Variants in ACER3 observed in about 807,000 individuals in gnomAD.
ACER3 encodes alkaline ceramidase 3, also known as alkCDase 3.
A neutral mutation model predicts 48.9 loss-of-function variants in ACER3; 16 were observed. The ratio of observed to expected loss-of-function variants is 0.33; its 90% CI spans 0.22 to 0.50. ACER3 has a LOEUF of 0.50. Among genes scored for constraint, ACER3 ranks in the 20% least tolerant of loss-of-function variants. ACER3 has a pLI of 0.98. For synonymous variants in ACER3, 109 were observed against 107.8 expected (o/e 1.01, Z -0.07); for missense variants, 227 against 326.0 (o/e 0.70, Z 2.34).
chr11:76,895,113 C>T (rs1299479594), intron 1 of ACER3, among the ~76,000 whole-genome samples: 1 of 152,028 alleles, frequency 6.6e-6, no homozygotes, highest in Non-Finnish European at 1.5e-5. Flanking sequence ...TAATTGATCT[C>T]AAGATAATTT....
intron 2 of ACER3, among the ~76,000 whole-genome samples, chr11:76,940,783 C>T (rs758554675): frequency 3.3e-5 from 5 of 152,048 alleles, no homozygotes; most frequent in African/African-American, 7.2e-5. Context: ...TTCTATAAGA[C>T]GAAGCTTCCT....
intron 7 of ACER3, among the ~76,000 whole-genome samples, chr11:77,009,936 T>G (rs1555021774): frequency 1.3e-5 from 2 of 152,118 alleles, no homozygotes; most frequent in Non-Finnish European, 2.9e-5. Context: ...TGTTTCAGAC[T>G]GGCAATTGGA....
chr11:77,008,490 T>C (rs2135300381), intron 7 of ACER3, among the ~76,000 whole-genome samples: 1 of 152,358 alleles, frequency 6.6e-6, no homozygotes, highest in East Asian at 1.9e-4. Flanking sequence ...TATGTCCATT[T>C]GTTGATCATT....
At chr11:76,882,230 C>T (rs1183906371) in intron 1 of ACER3, among the ~76,000 whole-genome samples, 1 of 134,420 alleles carries the variant, frequency 7.4e-6, no homozygotes, top group Non-Finnish European at 1.6e-5. Flanking sequence ...TGGTCTCGAT[C>T]TCCTGACCTC....
rs1446259913 is a variant in ACER3, at chr11:76,933,008, A to G, written c.214+6341A>G. 2.6e-5 allele frequency among the ~76,000 whole-genome samples: 4 copies of G among 152,082 alleles called. No individual in the cohort carries two copies. In the South Asian group the frequency reaches 8.3e-4, roughly 32 times the overall value. ...AAGGTGGCAGTTTTGGAAAGGCATC[A>G]CTTCTGGGAAAGAGATAAGTAGAAA... is the stretch of plus-strand genomic sequence containing the variant. On this transcript the variant is annotated intron_variant, in intron 2 of 10. Coordinates refer to ENST00000532485, the MANE Select transcript of ACER3 (RefSeq NM_018367.7).
intron 3 of ACER3, among the ~76,000 whole-genome samples, chr11:76,969,164 A>C (rs1000256079): frequency 2.0e-5 from 3 of 152,236 alleles, no homozygotes; most frequent in African/African-American, 7.2e-5. Flanking sequence ...AAAAGAAGAC[A>C]TTTATGCAGC....
At chr11:76,870,471 G>C (rs897637305) in intron 1 of ACER3, among the ~76,000 whole-genome samples, 10 of 152,038 alleles carry the variant, frequency 6.6e-5, no homozygotes, top group Non-Finnish European at 1.3e-4. Flanking sequence ...TGTACACTTG[G>C]GTTGCTTCTA....
At chr11:76,969,939 G>T (rs936024346) in intron 3 of ACER3, among the ~76,000 whole-genome samples, 2 of 141,060 alleles carry the variant, frequency 1.4e-5, no homozygotes, top group African/African-American at 2.5e-5. Context: ...AAAACTTAAA[G>T]TATAATAATA....
intron 2 of ACER3, among the ~76,000 whole-genome samples, chr11:76,943,911 TC>T (rs1214179673): frequency 5.3e-5 from 4 of 75,288 alleles, no homozygotes; most frequent in African/African-American, 1.2e-4. Context: ...ATGACCTTTG[TC>T]CTTTTTTTTT....
At chr11:76,870,447 C>A (rs1030692192) in intron 1 of ACER3, among the ~76,000 whole-genome samples, 1 of 151,986 alleles carries the variant, frequency 6.6e-6, no homozygotes, top group Admixed American at 6.6e-5. Flanking sequence ...ATTTTTTATT[C>A]ATTCTTCTGT....
intron 1 of ACER3, among the ~76,000 whole-genome samples, chr11:76,905,059 C>T (rs1230876680): frequency 1.3e-5 from 2 of 152,124 alleles, no homozygotes; most frequent in Non-Finnish European, 2.9e-5. Flanking sequence ...ACCATGTTGG[C>T]CAGGCTGGTC....
intron 1 of ACER3, among the ~76,000 whole-genome samples, chr11:76,877,904 T>C (rs1945426215): frequency 1.3e-5 from 2 of 149,868 alleles, no homozygotes; most frequent in Admixed American, 6.7e-5. Flanking sequence ...GGAATTGTAC[T>C]ATATGTACAT....
At chr11:76,915,396 G>T (rs1454794579) in intron 1 of ACER3, among the ~76,000 whole-genome samples, 1 of 151,776 alleles carries the variant, frequency 6.6e-6, no homozygotes, top group Non-Finnish European at 1.5e-5. Flanking sequence ...TTATACACAT[G>T]CCCATCTGAG....
chr11:76,880,690 G>A lies in ACER3; in HGVS notation c.103+19611G>A, dbSNP rs1344062561. 5.3e-5 allele frequency among the ~76,000 whole-genome samples: 8 copies of A among 152,316 alleles called. No homozygotes were observed. The East Asian group carries it at 1.5e-3, about 29-fold the overall frequency. ...TTGTGATCTACAATCAGATATAGTAGCAGAGAATTTCTTTATGTCCAGCTT... is the reference window on the plus strand; with the variant it reads ...TTGTGATCTACAATCAGATATAGTAACAGAGAATTTCTTTATGTCCAGCTT... On this transcript the variant is annotated intron_variant, in intron 1 of 10. Transcript: ENST00000532485.
chr11:76,869,958 C>T (rs1945200072), intron 1 of ACER3, among the ~76,000 whole-genome samples: 1 of 152,142 alleles, frequency 6.6e-6, no homozygotes, highest in Admixed American at 6.5e-5. Flanking sequence ...ACCTCCTAGG[C>T]TTAAGTGATC....
chr11:76,875,747 T>C (rs1341487219), intron 1 of ACER3, among the ~76,000 whole-genome samples: 6 of 138,478 alleles, frequency 4.3e-5, no homozygotes, highest in African/African-American at 1.6e-4. Flanking sequence ...TTTTTTTTTT[T>C]TTTTTTTTTG....
At chr11:76,927,941 A>G (rs1323799085) in intron 2 of ACER3, among the ~76,000 whole-genome samples, 12 of 152,146 alleles carry the variant, frequency 7.9e-5, no homozygotes, top group Admixed American at 7.2e-4. Flanking sequence ...GTGTCTTTAT[A>G]GCAGCATGAT....
chr11:76,926,646 G>A lies in ACER3; in HGVS notation c.193G>A (p.Ala65Thr). 6.3e-7 allele frequency: 1 copy of A among 1,594,034 alleles called. No individual in the cohort carries two copies. Among genetic ancestry groups the A allele is most frequent in the Non-Finnish European group, 8.6e-7 (1 of 1,161,740 alleles). The change falls in exon 2 of 11, where the codon GCT becomes ACT. Residue 65 changes from alanine to threonine, a missense_variant. By Grantham distance (58) the Ala-to-Thr change is moderately conservative. Coordinates refer to ENST00000532485, the MANE Select transcript of ACER3 (RefSeq NM_018367.7). Reference sequence around the variant, plus strand: ...AGACGGTCTGGAAAAGCGGTACATTGCTTCTTATTTAGCACTCACAGGTAT... The same window carrying A: ...AGACGGTCTGGAAAAGCGGTACATTACTTCTTATTTAGCACTCACAGGTAT... ...VRDGLEKRYI[A>T]SYLALTVVGM...
chr11:76,910,674 G>T (rs1171194635), intron 1 of ACER3, among the ~76,000 whole-genome samples: 2 of 152,062 alleles, frequency 1.3e-5, no homozygotes, highest in Non-Finnish European at 2.9e-5. Context: ...GTAACCCAGA[G>T]AAATGTAAAT....
Sources: allele counts gnomAD v4.1 joint callset (sites outside exome capture counted in the v4.1 genomes callset), GRCh38; gene constraint gnomAD v4.1.1; transcripts MANE v1.5; gene names NCBI Gene and HGNC (gene_info 2026-07-23, HGNC 2026-07-21).